MRPL2: variants seen among roughly 807,000 people sequenced by gnomAD.
MRPL2 encodes mitochondrial ribosomal protein L2.
Under a neutral mutation model 34.6 loss-of-function variants are expected in MRPL2, and 27 were observed. The observed-to-expected ratio is 0.78, with a 90% CI of 0.58 to 1.08. The LOEUF is 1.08. MRPL2 is among the 50% of genes least tolerant of loss of function. The pLI is 0.00. For missense variants in MRPL2, 414 were observed against 419.3 expected (o/e 0.99, Z 0.11); for synonymous variants, 155 against 158.0 (o/e 0.98, Z 0.14).
rs1156238423 is a variant in MRPL2 at position 43,056,402 on chromosome 6, A to T, written c.309T>A (p.Arg103=). ...VHGIGGGHKQ[R]YRMIDFLRFR... ...AACGCAGAAAGTCAATCATTCGATA[A>T]CGTTGCTTGTGGCCCCCGCCAATAC... is the stretch of plus-strand genomic sequence containing the variant. The change falls in exon 3 of 7, where the codon CGT becomes CGA. Residue 103 remains arginine, a synonymous_variant. Coordinates refer to ENST00000388752, the MANE Select transcript of MRPL2 (RefSeq NM_015950.5). The T allele has an allele frequency of 3.1e-6, 5 of 1,614,012 alleles. No individual in the cohort carries two copies. The highest frequency in any genetic ancestry group is 2.2e-5 in the East Asian group (1 of 44,884).
rs759910879 is a variant in MRPL2, at chr6:43,054,309, A to G, written c.883T>C (p.Tyr295His). 35 of 1,612,366 alleles carry G rather than the reference A, an allele frequency of 2.2e-5. No individual in the cohort carries two copies. The African/African-American group carries it at 4.4e-4, about 20-fold the overall frequency. Residue 295 changes from tyrosine to histidine, a missense_variant, in exon 7 of 7, where the codon TAC (tyrosine) becomes CAC (histidine). By Grantham distance (83) the Tyr-to-His change is moderately conservative (BLOSUM62 2). Transcript: ENST00000388752. ...KIRPLPPMKS[Y>H]VKLPSASAQS Reference sequence around the variant, plus strand: ...GCAGAAGCAGAAGGCAGCTTCACGTAACTCTTCATGGGGGGTAGTGGCCGA... The same window carrying G: ...GCAGAAGCAGAAGGCAGCTTCACGTGACTCTTCATGGGGGGTAGTGGCCGA...
chr6:43,059,586 G>GC (rs201875814), upstream of MRPL2: 444 of 710,616 alleles, frequency 6.2e-4, 2 homozygotes, highest in African/African-American at 4.5e-3. Flanking sequence ...AACAGGCCCC[G>GC]CCCCCCCAGA....
chr6:43,057,923 T>C, intron 2 of MRPL2, 142 bp downstream of exon 2: 1 of 854,694 alleles, frequency 1.2e-6, no homozygotes, highest in Non-Finnish European at 1.9e-6. Flanking sequence ...CCTGTACACA[T>C]ACTACATGCA....
intron 6 of MRPL2, among the ~76,000 whole-genome samples, chr6:43,054,838 G>A (rs1228760834): frequency 6.6e-6 from 1 of 152,184 alleles, no homozygotes; most frequent in Non-Finnish European, 1.5e-5. Flanking sequence ...CAGCACTTTG[G>A]GAGCCTAGGC....
intron 6 of MRPL2, 52 bp downstream of exon 6, chr6:43,055,493 C>T (rs920210972): frequency 1.9e-6 from 3 of 1,574,666 alleles, no homozygotes; most frequent in African/African-American, 1.4e-5. Flanking sequence ...AGGAAAGTTA[C>T]ATTCCAAAAA....
chr6:43,056,297 C>T lies in MRPL2; in HGVS notation c.404+10G>A. The T allele has an allele frequency of 6.2e-7, 1 of 1,614,166 alleles. No homozygotes were observed. Among genetic ancestry groups the T allele is most frequent in the South Asian group, 1.1e-5 (1 of 91,090 alleles). ...GACCATTCCATCATCATCCCACATC[C>T]CAAACTTGCCTACAGGGATCATAGC... On this transcript the variant is annotated intron_variant, in intron 3 of 6. Coordinates refer to ENST00000388752, the MANE Select transcript of MRPL2 (RefSeq NM_015950.5).
Position 43,054,313 on chromosome 6 carries a change from C to T in MRPL2, c.879G>A (p.Lys293=). ...GRKIRPLPPM[K]SYVKLPSASA... is the part of the protein sequence containing the mutation. ...AAGCAGAAGGCAGCTTCACGTAACT[C>T]TTCATGGGGGGTAGTGGCCGAATCT... Residue 293 remains lysine (K), a synonymous_variant, in exon 7 of 7, where the codon AAG becomes AAA. Coordinates refer to ENST00000388752, the MANE Select transcript of MRPL2 (RefSeq NM_015950.5). The T allele has an allele frequency of 1.2e-6, 2 of 1,611,718 alleles. No homozygotes were observed. Among genetic ancestry groups the T allele is most frequent in the East Asian group, 2.2e-5 (1 of 44,708 alleles).
Position 43,054,241 on chromosome 6 carries a change from G to A in MRPL2, c.*33C>T, listed in dbSNP as rs578105793. On this transcript the variant is annotated 3_prime_UTR_variant, in exon 7 of 7. Transcript: ENST00000388752. ...AAACCACAGTAACAGATTAAAACGG[G>A]GGGGGGGGGCATTTTATTAGAGTAC... 9 of 1,347,156 alleles carry A rather than the reference G, an allele frequency of 6.7e-6. 1 individual carries two copies. The highest frequency in any genetic ancestry group is 9.2e-6 in the Non-Finnish European group (9 of 983,542). 83.5% of individuals were successfully genotyped at this position (1,347,156 alleles called of 1,614,324 possible).
In MRPL2 at chr6:43,058,250, A is replaced by G. The variant is rs1241143978; in HGVS notation, c.97-17T>C. 1 of 1,611,752 alleles carries G rather than the reference A, an allele frequency of 6.2e-7. No individual in the cohort carries two copies. On this transcript the variant is annotated splice_polypyrimidine_tract_variant and intron_variant, in intron 1 of 6. Coordinates refer to ENST00000388752, the MANE Select transcript of MRPL2 (RefSeq NM_015950.5). ...GTTCATCATCTAGGGATAAAAAGACATCTCTTTCATTTGAAAGCTAATTGA... is the reference window on the plus strand; with the variant it reads ...GTTCATCATCTAGGGATAAAAAGACGTCTCTTTCATTTGAAAGCTAATTGA...
chr6:43,055,751 T>C, intron 5 of MRPL2, 133 bp from the exon 6 acceptor site: 2 of 1,280,938 alleles, frequency 1.6e-6, no homozygotes, highest in East Asian at 2.4e-5. Context: ...ACGCATGCTA[T>C]GTTTTAGGTA....
In MRPL2 at chr6:43,056,351, T is replaced by C. The variant is rs1415876282; in HGVS notation, c.360A>G (p.Gly120=). The C allele has an allele frequency of 3.1e-6, 5 of 1,614,158 alleles. No homozygotes were observed. Among genetic ancestry groups the C allele is most frequent in the Admixed American group, 3.3e-5 (2 of 60,022 alleles). The change falls in exon 3 of 7, where the codon GGA becomes GGG. Residue 120 remains glycine, a synonymous_variant. Transcript: ENST00000388752. ...CTTGGATAACCTTCTCCTCAAAGGG[T>C]CCTGACTTGGTCTCCTCAGGCCGGA... The part of the protein sequence containing the change: ...LRFRPEETKS[G]PFEEKVIQVR...
In MRPL2 at chr6:43,057,124, G is replaced by A. The variant is rs192418266; in HGVS notation, c.266-679C>T. 7.9e-5 allele frequency among the ~76,000 whole-genome samples: 12 copies of A among 151,884 alleles called. No individual in the cohort carries two copies. The East Asian group carries it at 9.7e-4, about 12-fold the overall frequency. On this transcript the variant is annotated intron_variant, in intron 2 of 6. Transcript: ENST00000388752. ...GATCCTGACCTAAAGTTATCCTCCC[G>A]CCTTGGCCTTCCAAAGTGTTGGGAT... is the stretch of plus-strand genomic sequence containing the variant.
intron 2 of MRPL2, among the ~76,000 whole-genome samples, chr6:43,057,152 T>G (rs554354688): frequency 6.6e-6 from 1 of 151,672 alleles, no homozygotes; most frequent in Non-Finnish European, 1.5e-5. Flanking sequence ...GTTGGGATTA[T>G]AGGCAGGAGC....
chr6:43,059,597 C>A (rs772413100), upstream of MRPL2: 1 of 1,407,288 alleles, frequency 7.1e-7, no homozygotes, highest in Non-Finnish European at 9.2e-7. Context: ...CCCCCCCAGA[C>A]CCGTCAAAAC....
Position 43,054,456 on chromosome 6 carries a change from G to C in MRPL2, c.736C>G (p.Arg246Gly). 1.9e-6 allele frequency: 3 copies of C among 1,614,146 alleles called. No individual in the cohort carries two copies. The highest frequency in any genetic ancestry group is 1.7e-6 in the Non-Finnish European group (2 of 1,180,032). The change falls in exon 7 of 7, where the codon CGA becomes GGA. Residue 246 changes from arginine (R) to glycine (G), a missense_variant. Arg to Gly is a moderately radical substitution (Grantham distance 125, BLOSUM62 -2). Transcript: ENST00000388752. ...TTGTTATGATCAACGTTGGATACTC[G>C]GCCTACTGTTGCTACGCACGTTTCC... Reference protein sequence around the residue: ...VLETCVATVGRVSNVDHNKRV... With the variant: ...VLETCVATVGGVSNVDHNKRV...
upstream of MRPL2, chr6:43,059,696 G>A (rs369401741): frequency 3.0e-6 from 4 of 1,312,346 alleles, no homozygotes; most frequent in African/African-American, 6.0e-5. Context: ...GTGAGTCTTT[G>A]AGGGTATCCT....
intron 5 of MRPL2, 83 bp downstream of exon 5, chr6:43,055,814 G>A (rs556250435): frequency 2.9e-6 from 4 of 1,387,106 alleles, no homozygotes; most frequent in Admixed American, 2.2e-5. Flanking sequence ...AATTTTCTCT[G>A]CCAGTACCAG....
At position 43,054,543 on chromosome 6, in the gene MRPL2, G is replaced by A. The variant is rs1279467727; in HGVS notation, c.706-57C>T. The A allele has an allele frequency of 1.0e-5, 15 of 1,492,258 alleles. No homozygotes were observed. In the East Asian group the frequency reaches 3.2e-4, roughly 32 times the overall value. The allele number at this position is 1,492,258 out of a possible 1,614,324, so 92.4% of individuals were successfully genotyped here. A position where few individuals can be genotyped will look rare whatever the true frequency, so the allele number is the denominator to read the frequency against. On this transcript the variant is annotated intron_variant, in intron 6 of 6. Coordinates refer to ENST00000388752, the MANE Select transcript of MRPL2 (RefSeq NM_015950.5). ...AATGGGGGGGAAAGAGCTTGACAAT[G>A]TTGAGAGCACACCCTTGGGGGGCTT...
chr6:43,055,424 G>C, intron 6 of MRPL2, 121 bp downstream of exon 6: 1 of 885,258 alleles, frequency 1.1e-6, no homozygotes, highest in East Asian at 2.5e-5. Flanking sequence ...GGCAGAAAAG[G>C]ACAGCCTCAG....
Sources: gnomAD v4.1 joint callset for allele counts (sites outside exome capture counted in the v4.1 genomes callset) on GRCh38, gnomAD v4.1.1 for gene constraint, MANE v1.5 for transcripts, NCBI Gene and HGNC (gene_info 2026-07-23, HGNC 2026-07-21) for gene names.